TMEM117: variants seen among roughly 807,000 people sequenced by gnomAD.
TMEM117 encodes the protein transmembrane protein 117.
Under a neutral mutation model 52.4 loss-of-function variants are expected in TMEM117, and 27 were observed. The observed-to-expected ratio is 0.51, with a 90% CI of 0.38 to 0.71. The LOEUF is 0.71. TMEM117 is among the 30% of genes least tolerant of loss of function. The pLI is 0.00. For synonymous variants in TMEM117, 215 were observed against 206.3 expected (o/e 1.04, Z -0.36); for missense variants, 556 against 630.5 (o/e 0.88, Z 1.26).
the TMEM117 span, among the ~76,000 whole-genome samples, chr12:43,803,250 T>C: frequency 2.0e-5 from 3 of 152,180 alleles, no homozygotes; most frequent in South Asian, 4.1e-4. Context: ...ATGCAGTTTA[T>C]GTAAACTCAA....
At chr12:43,967,229 A>T (rs1303022374) in intron 3 of TMEM117, among the ~76,000 whole-genome samples, 1 of 151,640 alleles carries the variant, frequency 6.6e-6, no homozygotes, top group Admixed American at 6.6e-5. Context: ...TGCTCAAATG[A>T]TCTTCTCACC....
At chr12:44,122,003 T>A (rs1466461943) in intron 3 of TMEM117, among the ~76,000 whole-genome samples, 1 of 151,948 alleles carries the variant, frequency 6.6e-6, no homozygotes, top group Non-Finnish European at 1.5e-5. Flanking sequence ...AGCCTCCAGC[T>A]CCATCCATGT....
intron 6 of TMEM117, among the ~76,000 whole-genome samples, chr12:44,303,015 A>C (rs1449959548): frequency 6.6e-6 from 1 of 152,148 alleles, no homozygotes; most frequent in African/African-American, 2.4e-5. Context: ...ATTGGTAGGA[A>C]AATTCCACTT....
chr12:44,126,194 C>G (rs947312524), intron 3 of TMEM117, among the ~76,000 whole-genome samples: 2 of 151,898 alleles, frequency 1.3e-5, no homozygotes, highest in Non-Finnish European at 2.9e-5. Flanking sequence ...GATTTCATGT[C>G]TTTGCTATTG....
At chr12:43,823,546 T>C in the TMEM117 span, among the ~76,000 whole-genome samples, 1 of 152,194 alleles carries the variant, frequency 6.6e-6, no homozygotes, top group Non-Finnish European at 1.5e-5. Context: ...AGTTCCACTC[T>C]GTCTCCAGGC....
intron 2 of TMEM117, among the ~76,000 whole-genome samples, chr12:43,920,821 G>C (rs888384694): frequency 1.3e-5 from 2 of 151,958 alleles, no homozygotes; most frequent in African/African-American, 4.8e-5. Context: ...TCTCTTCTCT[G>C]CTTGACAATC....
rs1015225499 is a variant in TMEM117, at chr12:44,012,396, GT to G, written c.410+68066del. Among the ~76,000 whole-genome samples, 292 of 132,030 alleles carry G rather than the reference GT, an allele frequency of 2.2e-3. 2 individuals carry two copies. The highest frequency in any genetic ancestry group is 6.1e-3 in the African/African-American group (221 of 36,386). The allele number at this position is 132,030 out of a possible 152,430, so 86.6% of individuals were successfully genotyped here. On this transcript the variant is annotated intron_variant, in intron 3 of 7. Coordinates refer to ENST00000266534, the MANE Select transcript of TMEM117 (RefSeq NM_032256.3). ...TGCTTCAAATATTGTTTCTGTTTTT[GT>G]TTTTTTTTTTTCTGTTGCTTCTTTT...
chr12:44,336,083 G>A lies in TMEM117; in HGVS notation c.768+36344G>A, dbSNP rs1431110051. The stretch of plus-strand genomic sequence containing the variant: ...TGCAGCTATTTGATTCATACTTTGC[G>A]CCACATAAAAATACATTTCATAATT... On this transcript the variant is annotated intron_variant, in intron 6 of 7. Transcript: ENST00000266534. Among the ~76,000 whole-genome samples, 7 of 152,028 alleles carry A rather than the reference G, an allele frequency of 4.6e-5. No individual in the cohort carries two copies. In the East Asian group the frequency reaches 5.8e-4, roughly 13 times the overall value.
chr12:44,157,681 AATATGAATT>A (rs1948845131), intron 4 of TMEM117, among the ~76,000 whole-genome samples: 1 of 152,152 alleles, frequency 6.6e-6, no homozygotes, highest in Non-Finnish European at 1.5e-5. Flanking sequence ...TAGAAATTAA[AATATGAATT>A]ATATGAATTA....
chr12:44,150,958 C>A (rs1948713044), intron 4 of TMEM117, among the ~76,000 whole-genome samples: 1 of 152,060 alleles, frequency 6.6e-6, no homozygotes, highest in African/African-American at 2.4e-5. Flanking sequence ...CAATGCCCAT[C>A]AAAATATCAA....
intron 3 of TMEM117, among the ~76,000 whole-genome samples, chr12:43,972,410 G>A (rs551610178): frequency 1.6e-3 from 240 of 152,304 alleles, no homozygotes; most frequent in Non-Finnish European, 1.7e-3. Context: ...AGGTGGCATG[G>A]ACCCAAAGAG....
intron 3 of TMEM117, among the ~76,000 whole-genome samples, chr12:43,993,893 C>G (rs778740457): frequency 6.6e-6 from 1 of 152,066 alleles, no homozygotes; most frequent in Non-Finnish European, 1.5e-5. Context: ...CAAGGTTTTG[C>G]CATGTCGTAC....
intron 5 of TMEM117, among the ~76,000 whole-genome samples, chr12:44,277,117 A>C (rs1950524051): frequency 6.6e-6 from 1 of 152,182 alleles, no homozygotes; most frequent in Non-Finnish European, 1.5e-5. Flanking sequence ...TATAAATTTG[A>C]AGACAAGTAG....
chr12:43,944,171 T>TA, intron 2 of TMEM117, 39 bp from the exon 3 acceptor site: 2 of 1,554,278 alleles, frequency 1.3e-6, no homozygotes, highest in Non-Finnish European at 1.8e-6. Context: ...AATTTTGAGT[T>TA]ACAGTGTACA....
intron 5 of TMEM117, among the ~76,000 whole-genome samples, chr12:44,234,364 T>C (rs560360542): frequency 6.6e-6 from 1 of 151,546 alleles, no homozygotes; most frequent in South Asian, 2.1e-4. Flanking sequence ...TCCAGTTTTT[T>C]CTACATTTTC....
intron 4 of TMEM117, among the ~76,000 whole-genome samples, chr12:44,183,089 A>C (rs1401874276): frequency 6.6e-6 from 1 of 152,184 alleles, no homozygotes; most frequent in Non-Finnish European, 1.5e-5. Context: ...GGATTTAGAA[A>C]ATTTAGAAAT....
At chr12:44,275,810 G>C (rs924670549) in intron 5 of TMEM117, among the ~76,000 whole-genome samples, 2 of 151,986 alleles carry the variant, frequency 1.3e-5, no homozygotes, top group African/African-American at 2.4e-5. Context: ...AAAGGCTTGT[G>C]GGGGCGGGGA....
chr12:44,090,076 C>A (rs2138039933), intron 3 of TMEM117, among the ~76,000 whole-genome samples: 1 of 152,254 alleles, frequency 6.6e-6, no homozygotes, highest in East Asian at 1.9e-4. Context: ...TGAAGACAAC[C>A]ATAGCATTTT....
At chr12:44,160,180 C>T (rs879604038) in intron 4 of TMEM117, among the ~76,000 whole-genome samples, 1 of 151,898 alleles carries the variant, frequency 6.6e-6, no homozygotes, top group African/African-American at 2.4e-5. Context: ...TTGTAAGCTG[C>T]GTTAGCCCTT....
Sources: allele counts gnomAD v4.1 joint callset (sites outside exome capture counted in the v4.1 genomes callset), GRCh38; gene constraint gnomAD v4.1.1; transcripts MANE v1.5; gene names NCBI Gene and HGNC (gene_info 2026-07-23, HGNC 2026-07-21).